Variants in ALDH1A2 observed in about 807,000 individuals in gnomAD.
ALDH1A2 encodes the protein retinal dehydrogenase 2.
In ALDH1A2, 27 loss-of-function variants were observed where a neutral mutation model predicts 60.3. The observed-to-expected ratio is 0.45, with a 90% CI of 0.33 to 0.62. ALDH1A2 has a LOEUF of 0.62. ALDH1A2 is among the 20% of genes least tolerant of loss of function. The pLI is 0.02. For missense variants in ALDH1A2, 581 were observed against 643.8 expected (o/e 0.90, Z 1.06); for synonymous variants, 289 against 232.4 (o/e 1.24, Z -2.21).
chr15:57,956,915 A>G (rs3742959), intron 12 of ALDH1A2, among the ~76,000 whole-genome samples: 71,643 of 151,974 alleles, frequency 0.47, 17,355 homozygotes, highest in Non-Finnish European at 0.54. Context: ...GAAACCTCAC[A>G]ATTATGGTTG....
intron 1 of ALDH1A2, among the ~76,000 whole-genome samples, chr15:58,023,073 G>C (rs1469215085): frequency 6.6e-6 from 1 of 152,064 alleles, no homozygotes; most frequent in African/African-American, 2.4e-5. Flanking sequence ...AGATACAAGT[G>C]AATTCTGAAC....
intron 7 of ALDH1A2, among the ~76,000 whole-genome samples, chr15:57,991,123 T>G (rs1255443062): frequency 1.3e-5 from 2 of 152,212 alleles, no homozygotes; most frequent in African/African-American, 4.8e-5. Flanking sequence ...AGTAAGGACT[T>G]AAGAACATTT....
At chr15:58,065,214 C>G (rs902782586) in intron 1 of ALDH1A2, 1 of 349,656 alleles carries the variant, frequency 2.9e-6, no homozygotes, top group Non-Finnish European at 5.4e-6. Flanking sequence ...GCGGTTCCGA[C>G]GCCTTCCCCC....
chr15:57,956,220 A>C (rs563250392), intron 12 of ALDH1A2, among the ~76,000 whole-genome samples: 12 of 152,318 alleles, frequency 7.9e-5, no homozygotes, highest in African/African-American at 2.9e-4. Context: ...TAGAGAGGGG[A>C]GGAGGGAAGG....
intron 1 of ALDH1A2, among the ~76,000 whole-genome samples, chr15:58,016,536 A>G (rs550112260): frequency 6.6e-6 from 1 of 152,328 alleles, no homozygotes; most frequent in East Asian, 1.9e-4. Context: ...CCAAAAATCA[A>G]AAGGAAAAAA....
intron 1 of ALDH1A2, among the ~76,000 whole-genome samples, chr15:58,063,295 T>A (rs1160207208): frequency 1.3e-5 from 2 of 152,202 alleles, no homozygotes; most frequent in African/African-American, 4.8e-5. Flanking sequence ...TTCTTTCAAA[T>A]GTGATATTTA....
At chr15:57,963,757 G>T in intron 9 of ALDH1A2, 128 bp downstream of exon 9, 1 of 930,636 alleles carries the variant, frequency 1.1e-6, no homozygotes, top group Non-Finnish European at 1.7e-6. Context: ...CAGCCACGAA[G>T]ACATGGTGGA....
chr15:58,056,850 C>G (rs548858578), intron 1 of ALDH1A2, among the ~76,000 whole-genome samples: 1 of 152,112 alleles, frequency 6.6e-6, no homozygotes, highest in East Asian at 1.9e-4. Context: ...TTCACACTTA[C>G]CAGGTTAGCA....
At chr15:57,974,247 C>T (rs746241391) in intron 7 of ALDH1A2, among the ~76,000 whole-genome samples, 4 of 151,892 alleles carry the variant, frequency 2.6e-5, no homozygotes, top group Admixed American at 6.6e-5. Flanking sequence ...TCCTGGCTAA[C>T]ATGGTGAAAC....
At chr15:58,016,525 T>C (rs1895794437) in intron 1 of ALDH1A2, among the ~76,000 whole-genome samples, 2 of 152,200 alleles carry the variant, frequency 1.3e-5, no homozygotes, top group Admixed American at 1.3e-4. Flanking sequence ...TTACAGGTTT[T>C]CCAAAAATCA....
intron 7 of ALDH1A2, among the ~76,000 whole-genome samples, chr15:57,989,595 T>C (rs78009170): frequency 2.0e-5 from 3 of 152,274 alleles, no homozygotes; most frequent in East Asian, 3.9e-4. Flanking sequence ...ATTTCCTGTA[T>C]AGTTTGGTGC....
chr15:58,035,482 T>A (rs548281174), intron 1 of ALDH1A2, among the ~76,000 whole-genome samples: 11 of 151,700 alleles, frequency 7.3e-5, no homozygotes, highest in Non-Finnish European at 1.3e-4. Flanking sequence ...TGTTTCTGTT[T>A]ACATTACTCT....
chr15:57,989,690 CAGGCATCATGTAATGTTATAT>C (rs1156314610), intron 7 of ALDH1A2, among the ~76,000 whole-genome samples: 1 of 46,160 alleles, frequency 2.2e-5, no homozygotes, highest in African/African-American at 6.2e-5. Context: ...ATGTTATATT[CAGGCATCATGTAATGTTATAT>C]TCAGATGAGT....
chr15:58,039,811 AT>A (rs1351794716), intron 1 of ALDH1A2, among the ~76,000 whole-genome samples: 38 of 151,860 alleles, frequency 2.5e-4, no homozygotes, highest in African/African-American at 8.9e-4. Context: ...GGGGAGTCAC[AT>A]GCAAAAGGAG....
Position 57,955,045 on chromosome 15 carries a change from G to T in ALDH1A2, c.*152C>A. ...AACTGTACCCAGCTGGTTTGCTTTA[G>T]TTGTGCAGTGACCTGCCTGGCCTAC... is the stretch of plus-strand genomic sequence containing the variant. On this transcript the variant is annotated 3_prime_UTR_variant, in exon 13 of 13. Coordinates refer to ENST00000249750, the MANE Select transcript of ALDH1A2 (RefSeq NM_003888.4). 1 of 865,468 alleles carries T rather than the reference G, an allele frequency of 1.2e-6. No homozygotes were observed. The highest frequency in any genetic ancestry group is 2.0e-6 in the Non-Finnish European group (1 of 509,466). The allele number at this position is 865,468 out of a possible 1,614,324, so 53.6% of individuals were successfully genotyped here. A position where few individuals can be genotyped will look rare whatever the true frequency, so the allele number is the denominator to read the frequency against.
chr15:57,988,710 A>G (rs187772136), intron 7 of ALDH1A2, among the ~76,000 whole-genome samples: 11 of 152,354 alleles, frequency 7.2e-5, no homozygotes, highest in Non-Finnish European at 1.6e-4. Flanking sequence ...TGTAAATTAT[A>G]CTTCAGTAAA....
At chr15:58,056,720 T>C (rs921487859) in intron 1 of ALDH1A2, among the ~76,000 whole-genome samples, 7 of 151,890 alleles carry the variant, frequency 4.6e-5, no homozygotes, top group Non-Finnish European at 1.0e-4. Flanking sequence ...ATACACAACA[T>C]AGAAAAATGA....
intron 1 of ALDH1A2, among the ~76,000 whole-genome samples, chr15:58,053,541 C>G (rs957751979): frequency 1.3e-5 from 2 of 152,158 alleles, no homozygotes; most frequent in African/African-American, 4.8e-5. Flanking sequence ...GCTAAGTGTA[C>G]TTTATGTACC....
chr15:57,986,872 C>G (rs547346626), intron 7 of ALDH1A2, among the ~76,000 whole-genome samples: 138 of 152,166 alleles, frequency 9.1e-4, no homozygotes, highest in African/African-American at 2.7e-3. Context: ...CCGGGTTGGT[C>G]TCGGATTCCT....
Sources: allele counts gnomAD v4.1 joint callset (sites outside exome capture counted in the v4.1 genomes callset), GRCh38; gene constraint gnomAD v4.1.1; transcripts MANE v1.5; gene names NCBI Gene and HGNC (gene_info 2026-07-23, HGNC 2026-07-21).